TLN2: variants seen among roughly 807,000 people sequenced by gnomAD.
TLN2 encodes the protein talin 2.
In TLN2, 118 loss-of-function variants were observed where a neutral mutation model predicts 294.7. That is an observed-to-expected ratio of 0.40 (90% CI 0.34 to 0.47). TLN2 has a LOEUF of 0.47. Among genes scored for constraint, TLN2 ranks in the 20% least tolerant of loss-of-function variants. The pLI is 0.84. For synonymous variants in TLN2, 1,431 were observed against 1,304.5 expected (o/e 1.10, Z -2.09); for missense variants, 3,083 against 3,282.2 (o/e 0.94, Z 1.48).
intron 1 of TLN2, among the ~76,000 whole-genome samples, chr15:62,459,292 G>A (rs2036658698): frequency 1.5e-5 from 2 of 129,756 alleles, no homozygotes; most frequent in South Asian, 5.6e-4. Context: ...GAGCCACCAC[G>A]CTCGGCCTTT....
intron 9 of TLN2, among the ~76,000 whole-genome samples, chr15:62,667,240 A>T (rs1397497799): frequency 1.3e-5 from 2 of 152,200 alleles, no homozygotes; most frequent in Non-Finnish European, 2.9e-5. Context: ...TGCTGGGATT[A>T]CAGGCGTGAG....
intron 43 of TLN2, among the ~76,000 whole-genome samples, chr15:62,780,530 C>T (rs762243167): frequency 1.6e-4 from 24 of 152,226 alleles, no homozygotes; most frequent in Non-Finnish European, 3.1e-4. Flanking sequence ...CTTCAAGGGA[C>T]ATAGTCCCAT....
chr15:62,838,911 A>G lies in TLN2; in HGVS notation c.7430A>G (p.Lys2477Arg). The G allele has an allele frequency of 6.2e-7, 1 of 1,612,532 alleles. No homozygotes were observed. The highest frequency in any genetic ancestry group is 8.5e-7 in the Non-Finnish European group (1 of 1,180,024). Reference sequence around the variant, plus strand: ...GACAATCTTGTCCGTGCAGCCCAGAAGGCAGCTTTTGGCAAAGCTGATGAC... The same window carrying G: ...GACAATCTTGTCCGTGCAGCCCAGAGGGCAGCTTTTGGCAAAGCTGATGAC... ...ASDNLVRAAQ[K>R]AAFGKADDDD... The change falls in exon 58 of 59, where the codon AAG becomes AGG. Residue 2477 changes from lysine to arginine, a missense_variant. Lys to Arg is a conservative substitution (Grantham distance 26). Transcript: ENST00000636159.
chr15:62,703,773 T>C (rs1435681714), intron 19 of TLN2, among the ~76,000 whole-genome samples: 1 of 152,198 alleles, frequency 6.6e-6, no homozygotes, highest in East Asian at 1.9e-4. Flanking sequence ...ACCAGGGACC[T>C]GTGGTGCTTG....
intron 1 of TLN2, among the ~76,000 whole-genome samples, chr15:62,520,177 C>G (rs1467564288): frequency 6.6e-6 from 1 of 152,224 alleles, no homozygotes; most frequent in East Asian, 1.9e-4. Flanking sequence ...TGCTACAATT[C>G]ATGATGAGAT....
intron 1 of TLN2, among the ~76,000 whole-genome samples, chr15:62,525,397 C>T (rs1488737294): frequency 6.6e-6 from 1 of 152,146 alleles, no homozygotes; most frequent in Non-Finnish European, 1.5e-5. Context: ...CTTGGTTCTT[C>T]TGAAATTTAT....
chr15:62,840,924 A>G lies in TLN2; in HGVS notation c.*314A>G, dbSNP rs1375479600. On this transcript the variant is annotated 3_prime_UTR_variant, in exon 59 of 59. Coordinates refer to ENST00000636159, the MANE Select transcript of TLN2 (RefSeq NM_015059.3). ...AGTCAGTATTATGTTGTTCTCAGAC[A>G]CTTTGGCTTTTGTTGGTCCTTCTCT... 2.6e-5 allele frequency: 6 copies of G among 227,308 alleles called. No individual in the cohort carries two copies. The East Asian group carries it at 4.5e-4, about 17-fold the overall frequency. The allele number at this position is 227,308 out of a possible 1,614,324, so 14.1% of individuals were successfully genotyped here.
intron 1 of TLN2, among the ~76,000 whole-genome samples, chr15:62,579,170 G>A (rs2044696096): frequency 6.6e-6 from 1 of 152,148 alleles, no homozygotes; most frequent in Non-Finnish European, 1.5e-5. Flanking sequence ...TTTTGGTTTT[G>A]CATGAAAGGT....
At chr15:62,693,631 G>T (rs1014244627) in intron 13 of TLN2, among the ~76,000 whole-genome samples, 3 of 151,692 alleles carry the variant, frequency 2.0e-5, no homozygotes, top group African/African-American at 7.3e-5. Context: ...AATGTAATGG[G>T]GTTATATGCC....
At chr15:62,770,053 C>T (rs1395573805) in intron 41 of TLN2, among the ~76,000 whole-genome samples, 1 of 152,158 alleles carries the variant, frequency 6.6e-6, no homozygotes, top group Non-Finnish European at 1.5e-5. Flanking sequence ...GGACTGGCAT[C>T]CCAATGAAAG....
At chr15:62,698,214 G>A (rs1382240487) in intron 15 of TLN2, among the ~76,000 whole-genome samples, 2 of 152,166 alleles carry the variant, frequency 1.3e-5, no homozygotes, top group Non-Finnish European at 2.9e-5. Flanking sequence ...GTTTCACGCT[G>A]GGAGTCATTG....
chr15:62,716,953 T>TA (rs1327929586), intron 23 of TLN2, among the ~76,000 whole-genome samples: 21 of 124,418 alleles, frequency 1.7e-4, no homozygotes, highest in African/African-American at 4.8e-4. Flanking sequence ...TTTTTTTTTT[T>TA]AAAAAGTTTG....
chr15:62,818,758 C>T (rs1460114724), intron 52 of TLN2, among the ~76,000 whole-genome samples: 1 of 151,584 alleles, frequency 6.6e-6, no homozygotes, highest in African/African-American at 2.4e-5. Flanking sequence ...GGCGTGTTTC[C>T]TCTGGTCCTT....
At chr15:62,657,153 T>TGA (rs1555459307) in intron 8 of TLN2, among the ~76,000 whole-genome samples, 1 of 139,394 alleles carries the variant, frequency 7.2e-6, no homozygotes, top group Non-Finnish European at 1.5e-5. Flanking sequence ...GCTGAAAAGG[T>TGA]GGGGGGGGGA....
chr15:62,423,432 G>C (rs2034528633), intron 1 of TLN2, among the ~76,000 whole-genome samples: 1 of 152,152 alleles, frequency 6.6e-6, no homozygotes, highest in Non-Finnish European at 1.5e-5. Flanking sequence ...GGTATGACCT[G>C]TGTCTCCATG....
chr15:62,750,585 G>C, intron 34 of TLN2, 94 bp downstream of exon 34: 1 of 1,087,718 alleles, frequency 9.2e-7, no homozygotes, highest in Non-Finnish European at 1.4e-6. Flanking sequence ...CCTGTGGCTG[G>C]TCTGCAGGGC....
chr15:62,631,637 T>C (rs1477208806), intron 3 of TLN2, among the ~76,000 whole-genome samples: 4 of 132,934 alleles, frequency 3.0e-5, no homozygotes, highest in South Asian at 2.4e-4. Context: ...CTCCCTTTCT[T>C]TCTCTTTCTT....
intron 40 of TLN2, among the ~76,000 whole-genome samples, chr15:62,765,687 C>T (rs965307537): frequency 5.3e-5 from 8 of 152,210 alleles, no homozygotes; most frequent in African/African-American, 1.7e-4. Context: ...CTTTCTCTGT[C>T]TCTTTACAGC....
intron 2 of TLN2, among the ~76,000 whole-genome samples, chr15:62,604,210 G>A: frequency 6.6e-6 from 1 of 152,056 alleles, no homozygotes; most frequent in Non-Finnish European, 1.5e-5. Context: ...GCACATATGA[G>A]GGAGCTGCTC....
Sources: allele counts gnomAD v4.1 joint callset (sites outside exome capture counted in the v4.1 genomes callset), GRCh38; gene constraint gnomAD v4.1.1; transcripts MANE v1.5; gene names NCBI Gene and HGNC (gene_info 2026-07-23, HGNC 2026-07-21).